The following SNTN variants were observed in gnomAD, a reference collection of about 807,000 sequenced individuals.
SNTN encodes sentan.
A neutral mutation model predicts 12.3 loss-of-function variants in SNTN; 13 were observed. The observed-to-expected ratio is 1.05, with a 90% CI of 0.69 to 1.67. The LOEUF (loss-of-function observed/expected upper bound fraction) is 1.67, where lower values mean the gene tolerates loss of function less well. Among genes scored for constraint, SNTN ranks in the 40% most tolerant of loss-of-function variants. The pLI, the probability that SNTN is intolerant of heterozygous loss-of-function variation, is 0.00. For synonymous variants in SNTN, 69 were observed against 58.5 expected, an observed-to-expected ratio of 1.18 and a Z score of -0.82; for missense variants, 189 against 169.8, an observed-to-expected ratio of 1.11 and a Z score of -0.63.
rs550010195 is a variant in SNTN at position 63,653,082 on chromosome 3, C to G, written c.110+285C>G. On this transcript the variant is annotated intron_variant, in intron 1 of 3. Transcript: ENST00000343837. Reference sequence around the variant, plus strand: ...GACTTAACTGTGTAGCATATTCTCTCAAATTATGCACAACAGAGAGAAATT... The same window carrying G: ...GACTTAACTGTGTAGCATATTCTCTGAAATTATGCACAACAGAGAGAAATT... 1.6e-3 allele frequency among the ~76,000 whole-genome samples: 244 copies of G among 152,274 alleles called. 2 individuals carry two copies. The Middle Eastern group carries it at 0.017, about 11-fold the overall frequency.
At chr3:63,663,854 A>C in intron 3 of SNTN, 83 bp from the exon 4 acceptor site, 1 of 1,512,592 alleles carries the variant, frequency 6.6e-7, no homozygotes, top group Non-Finnish European at 9.1e-7. Flanking sequence ...AGCAACACTA[A>C]ACAGACTAAG....
intron 2 of SNTN, among the ~76,000 whole-genome samples, chr3:63,658,144 T>C (rs1485258422): frequency 6.6e-6 from 1 of 152,090 alleles, no homozygotes; most frequent in Non-Finnish European, 1.5e-5. Flanking sequence ...ATCTGCCAAA[T>C]ATGTCAGATT....
At chr3:63,654,988 A>G (rs1339816960) in intron 2 of SNTN, among the ~76,000 whole-genome samples, 192 bp downstream of exon 2, 3 of 152,214 alleles carry the variant, frequency 2.0e-5, no homozygotes, top group Admixed American at 6.5e-5. Flanking sequence ...TAACTTACCT[A>G]AACTTACACA....
chr3:63,653,970 C>T (rs1356562034), intron 1 of SNTN, among the ~76,000 whole-genome samples: 3 of 152,150 alleles, frequency 2.0e-5, no homozygotes, highest in Non-Finnish European at 4.4e-5. Flanking sequence ...CCACATCAGG[C>T]CTCAACACAT....
At position 63,654,645 on chromosome 3, in the gene SNTN, C is replaced by T. The variant is rs893773296; in HGVS notation, c.111-117C>T. 13 of 874,462 alleles carry T rather than the reference C, an allele frequency of 1.5e-5. No individual in the cohort carries two copies. The African/African-American group carries it at 1.9e-4, about 13-fold the overall frequency. The allele number at this position is 874,462 out of a possible 1,614,324, so 54.2% of individuals were successfully genotyped here. ...ACACAGATGGCTGCTCCACTAAAATCTCAGAGAATGTTTACCAAAATAAAC... is the reference window on the plus strand; with the variant it reads ...ACACAGATGGCTGCTCCACTAAAATTTCAGAGAATGTTTACCAAAATAAAC... On this transcript the variant is annotated intron_variant, in intron 1 of 3. Transcript: ENST00000343837.
chr3:63,658,693 G>A (rs1700709578), intron 2 of SNTN, among the ~76,000 whole-genome samples: 1 of 152,064 alleles, frequency 6.6e-6, no homozygotes, highest in African/African-American at 2.4e-5. Context: ...ATGAGATCCA[G>A]TGCCTGGCCC....
chr3:63,655,986 G>A (rs1700675453), intron 2 of SNTN, among the ~76,000 whole-genome samples: 1 of 152,106 alleles, frequency 6.6e-6, no homozygotes, highest in East Asian at 1.9e-4. Flanking sequence ...AAAATTACTG[G>A]CCTAAAAAGT....
Position 63,664,644 on chromosome 3 carries a change from T to C in SNTN, c.*549T>C, listed in dbSNP as rs192207057. On this transcript the variant is annotated 3_prime_UTR_variant, in exon 4 of 4. Coordinates refer to ENST00000343837, the MANE Select transcript of SNTN (RefSeq NM_001080537.2). ...TCAGAAAAGCTTTACTGACATTCTATAAAAAGCAAAAAAAAAAAAATTGGT... is the reference window on the plus strand; with the variant it reads ...TCAGAAAAGCTTTACTGACATTCTACAAAAAGCAAAAAAAAAAAAATTGGT... 6.0e-4 allele frequency: 90 copies of C among 148,858 alleles called. No homozygotes were observed. The highest frequency in any genetic ancestry group is 2.2e-3 in the African/African-American group (87 of 40,354). The allele number at this position is 148,858 out of a possible 1,614,324, so 9.2% of individuals were successfully genotyped here.
chr3:63,662,212 T>G (rs1485810066), intron 3 of SNTN, among the ~76,000 whole-genome samples: 1 of 152,128 alleles, frequency 6.6e-6, no homozygotes, highest in Non-Finnish European at 1.5e-5. Flanking sequence ...CTAGGGCAGG[T>G]GCATTCACGT....
At position 63,664,057 on chromosome 3, in the gene SNTN, C is replaced by T; in HGVS notation, c.406C>T (p.Leu136=). ...CTTAAGCATCACTGTCATGTCAGAT[C>T]TGCTACAAAATATACGGAATGTAAA... ...LLLSITVMSD[L]LQNIRNVKIM... is the part of the protein sequence containing the mutation. Residue 136 remains leucine (L), a synonymous_variant, in exon 4 of 4, where the codon CTG becomes TTG. Coordinates refer to ENST00000343837, the MANE Select transcript of SNTN (RefSeq NM_001080537.2). 1 of 1,612,568 alleles carries T rather than the reference C, an allele frequency of 6.2e-7. No individual in the cohort carries two copies. The highest frequency in any genetic ancestry group is 1.1e-5 in the South Asian group (1 of 90,554).
chr3:63,655,303 G>GAA (rs1366542902), intron 2 of SNTN, among the ~76,000 whole-genome samples: 3 of 151,986 alleles, frequency 2.0e-5, no homozygotes, highest in Non-Finnish European at 4.4e-5. Flanking sequence ...AACAATGTAA[G>GAA]AAAAAAACGC....
intron 2 of SNTN, 62 bp downstream of exon 2, chr3:63,654,858 TA>T (rs5849568): frequency 0.16 from 217,886 of 1,384,172 alleles, 17,962 homozygotes; most frequent in African/African-American, 0.25. Context: ...TGCCAAGTGT[TA>T]AAAAAAAATA....
At position 63,656,319 on chromosome 3, in the gene SNTN, C is replaced by T. The variant is rs74372560; in HGVS notation, c.145+1523C>T. Among the ~76,000 whole-genome samples the T allele has an allele frequency of 2.7e-4, 41 of 152,124 alleles. 2 individuals carry two copies. The South Asian group carries it at 7.9e-3, about 29-fold the overall frequency. On this transcript the variant is annotated intron_variant, in intron 2 of 3. Coordinates refer to ENST00000343837, the MANE Select transcript of SNTN (RefSeq NM_001080537.2). ...TAGTGAAGCCTACAACATGCCAGGG[C>T]CTGGGAATGAATGCAAAGATAAACA... is the stretch of plus-strand genomic sequence containing the variant.
At chr3:63,657,585 C>T (rs1438879205) in intron 2 of SNTN, among the ~76,000 whole-genome samples, 1 of 152,080 alleles carries the variant, frequency 6.6e-6, no homozygotes, top group Non-Finnish European at 1.5e-5. Flanking sequence ...TTTACCATGG[C>T]CATATGCTAT....
intron 3 of SNTN, among the ~76,000 whole-genome samples, chr3:63,663,057 T>A (rs7621470): frequency 0.08 from 12,178 of 152,298 alleles, 685 homozygotes; most frequent in South Asian, 0.16. Context: ...TATTCTATAT[T>A]TCTGGATAAT....
intron 3 of SNTN, among the ~76,000 whole-genome samples, chr3:63,661,657 A>AT (rs111581054): frequency 0.16 from 23,638 of 146,488 alleles, 2,260 homozygotes; most frequent in South Asian, 0.3. Flanking sequence ...TATTTTTCTG[A>AT]TTTTTTTTTT....
At chr3:63,661,600 G>T (rs1455776394) in intron 3 of SNTN, among the ~76,000 whole-genome samples, 1 of 151,946 alleles carries the variant, frequency 6.6e-6, no homozygotes, top group South Asian at 2.1e-4. Context: ...TACAGTCACA[G>T]TCCTTTTTTT....
rs988931864 is a variant in SNTN, at chr3:63,664,416, G to C, written c.*321G>C. The C allele has an allele frequency of 1.0e-5, 2 of 192,372 alleles. No individual in the cohort carries two copies. The highest frequency in any genetic ancestry group is 2.1e-5 in the Non-Finnish European group (2 of 94,756). The allele number at this position is 192,372 out of a possible 1,614,324, so 11.9% of individuals were successfully genotyped here. On this transcript the variant is annotated 3_prime_UTR_variant, in exon 4 of 4. Transcript: ENST00000343837. ...TCACTCATTTATTCACTAAACATTT[G>C]TTGAGCATCTACTTGATGGAACTGC... is the stretch of plus-strand genomic sequence containing the variant.
At chr3:63,658,637 T>C (rs1700709204) in intron 2 of SNTN, among the ~76,000 whole-genome samples, 1 of 151,920 alleles carries the variant, frequency 6.6e-6, no homozygotes, top group Non-Finnish European at 1.5e-5. Context: ...TCCTGGCCTC[T>C]AGCAATCATC....
Sources: allele counts gnomAD v4.1 joint callset (sites outside exome capture counted in the v4.1 genomes callset), GRCh38; gene constraint gnomAD v4.1.1; transcripts MANE v1.5; gene names NCBI Gene and HGNC (gene_info 2026-07-23, HGNC 2026-07-21).